The following FAM20A variants were observed in gnomAD, a reference collection of about 807,000 sequenced individuals.
The protein encoded by FAM20A is FAM20A golgi associated secretory pathway pseudokinase.
In FAM20A, 42 loss-of-function variants were observed where a neutral mutation model predicts 52.0. That is an observed-to-expected ratio of 0.81 (90% CI 0.63 to 1.04). The LOEUF is 1.04. Ranked by LOEUF, FAM20A falls within the 50% of genes least tolerant of loss-of-function variation. The pLI, the probability that FAM20A is intolerant of heterozygous loss-of-function variation, is 0.00. For synonymous variants in FAM20A, 304 were observed against 298.9 expected (o/e 1.02, Z -0.18); for missense variants, 742 against 712.7 (o/e 1.04, Z -0.47).
At chr17:68,582,417 C>A (rs559366808) in intron 1 of FAM20A, 10 of 152,200 alleles carry the variant, frequency 6.6e-5, no homozygotes, top group Non-Finnish European at 1.2e-4. Context: ...CAAGTGAGGG[C>A]GATGGCTGGG....
In FAM20A at chr17:68,585,394, C is replaced by G. The variant is rs74000765; in HGVS notation, c.404+14869G>C. On this transcript the variant is annotated intron_variant, in intron 1 of 10. Transcript: ENST00000592554. The stretch of plus-strand genomic sequence containing the variant: ...TCTTCATTGTGTATTATTGCACTCT[C>G]TTCATCCGTGCAAACACATTCTTTT... Among the ~76,000 whole-genome samples, 1,063 of 152,204 alleles carry G rather than the reference C, an allele frequency of 7.0e-3. 9 individuals carry two copies. The highest frequency in any genetic ancestry group is 0.024 in the African/African-American group (985 of 41,500).
chr17:68,556,001 A>C (rs1286476818), intron 1 of FAM20A, among the ~76,000 whole-genome samples: 2 of 152,198 alleles, frequency 1.3e-5, no homozygotes, highest in Non-Finnish European at 2.9e-5. Context: ...CAAATACTTA[A>C]TTACAAACCA....
chr17:68,579,756 A>G (rs116124571), intron 1 of FAM20A, among the ~76,000 whole-genome samples: 4,399 of 152,268 alleles, frequency 0.029, 217 homozygotes, highest in African/African-American at 0.1. Flanking sequence ...AATGGTCTTC[A>G]CAGTCATCAG....
chr17:68,600,420 C>T lies in FAM20A; in HGVS notation c.247G>A (p.Gly83Ser). ...TTGGAGCTCGACCCGCTGTGGCTGC[C>T]GCCAGCCGGTTCAGTCCGGGGCTCG... is the stretch of plus-strand genomic sequence containing the variant. ...RTEPRTEPAG[G>S]SHSGSSSKLQ... The change falls in exon 1 of 11, where the codon GGC (glycine) becomes AGC (serine). Residue 83 changes from glycine (G) to serine (S), a missense_variant. Coordinates refer to ENST00000592554, the MANE Select transcript of FAM20A (RefSeq NM_017565.4). This position sits in a 1 kb window ranked among gnomAD's most constrained non-coding sequence, Gnocchi z 6.2. 2 of 1,610,302 alleles carry T rather than the reference C, an allele frequency of 1.2e-6. No individual in the cohort carries two copies. Among genetic ancestry groups the T allele is most frequent in the Non-Finnish European group, 1.7e-6 (2 of 1,178,888 alleles).
Position 68,600,363 on chromosome 17 carries a change from T to A in FAM20A, c.304A>T (p.Asn102Tyr), listed in dbSNP as rs1456565847. ...AGGAGAGGCGGCTCCTCCGGGACGT[T>A]GTACAGCGGGTGGGCGAAGAGGGCC... Reference protein sequence around the residue: ...LQALFAHPLYNVPEEPPLLGA... With the variant: ...LQALFAHPLYYVPEEPPLLGA... The change falls in exon 1 of 11, where the codon AAC (asparagine) becomes TAC (tyrosine). Residue 102 changes from asparagine to tyrosine, a missense_variant. Physicochemically the swap from Asn to Tyr is moderately radical, Grantham distance 143. Coordinates refer to ENST00000592554, the MANE Select transcript of FAM20A (RefSeq NM_017565.4). The surrounding 1 kb of genome is among the most constrained non-coding windows in gnomAD (Gnocchi z 6.2). 2 of 1,603,678 alleles carry A rather than the reference T, an allele frequency of 1.2e-6. No homozygotes were observed. Among genetic ancestry groups the A allele is most frequent in the Non-Finnish European group, 1.7e-6 (2 of 1,176,140 alleles).
At chr17:68,550,129 C>G (rs578207875) in intron 4 of FAM20A, among the ~76,000 whole-genome samples, 2 of 152,068 alleles carry the variant, frequency 1.3e-5, no homozygotes, top group African/African-American at 4.8e-5. Flanking sequence ...ATTTGACATT[C>G]ACCCCCAACT....
intron 6 of FAM20A, 37 bp downstream of exon 6, chr17:68,542,657 A>C: frequency 2.0e-6 from 3 of 1,523,030 alleles, no homozygotes; most frequent in Non-Finnish European, 2.7e-6. Context: ...CTTACGATCT[A>C]CTCAGACCCG....
rs2086144867 is a variant in FAM20A, at chr17:68,537,997, G to A, written c.1362-256C>T. Among the ~76,000 whole-genome samples, 1 of 152,146 alleles carries A rather than the reference G, an allele frequency of 6.6e-6. No individual in the cohort carries two copies. Among genetic ancestry groups the A allele is most frequent in the Admixed American group, 6.6e-5 (1 of 15,266 alleles). ...TTTGTGCTCTAATAATGGTGATGCTGGGCTATATGCATTTTCTCTGACAAC... is the reference window on the plus strand; with the variant it reads ...TTTGTGCTCTAATAATGGTGATGCTAGGCTATATGCATTTTCTCTGACAAC... On this transcript the variant is annotated intron_variant, in intron 10 of 10. Transcript: ENST00000592554. This position sits in a 1 kb window ranked among gnomAD's most constrained non-coding sequence, Gnocchi z 4.2.
chr17:68,600,715 G>A lies in FAM20A; in HGVS notation c.-49C>T, dbSNP rs199802845. The A allele has an allele frequency of 2.9e-3, 4,445 of 1,518,556 alleles. 5 individuals are homozygous for A. The highest frequency in any genetic ancestry group is 3.6e-3 in the Non-Finnish European group (4,074 of 1,139,300). The allele number at this position is 1,518,556 out of a possible 1,614,324, so 94.1% of individuals were successfully genotyped here. Reference sequence around the variant, plus strand: ...CGGGGGCAGGCCGGCTGTCTCCGGGGTCCCGGGAGGGGTCGCGGGGTGCGG... The same window carrying A: ...CGGGGGCAGGCCGGCTGTCTCCGGGATCCCGGGAGGGGTCGCGGGGTGCGG... On this transcript the variant is annotated 5_prime_UTR_variant, in exon 1 of 11. Transcript: ENST00000592554. The surrounding 1 kb of genome is among the most constrained non-coding windows in gnomAD (Gnocchi z 6.2).
At chr17:68,560,491 A>G (rs2087183860) in intron 1 of FAM20A, among the ~76,000 whole-genome samples, 1 of 152,166 alleles carries the variant, frequency 6.6e-6, no homozygotes. Flanking sequence ...CCCAGCCTCT[A>G]GTACTGCAAG....
intron 1 of FAM20A, among the ~76,000 whole-genome samples, chr17:68,569,657 T>TG (rs1172887783): frequency 2.0e-5 from 3 of 152,252 alleles, no homozygotes; most frequent in Non-Finnish European, 4.4e-5. Flanking sequence ...GCTACCCTTT[T>TG]GCACAGCACA....
At chr17:68,556,708 T>C (rs1266100993) in intron 1 of FAM20A, among the ~76,000 whole-genome samples, 2 of 152,046 alleles carry the variant, frequency 1.3e-5, no homozygotes, top group Non-Finnish European at 2.9e-5. Context: ...AAATGCACTG[T>C]TGAATGAGAA....
chr17:68,566,042 T>C (rs894367133), intron 1 of FAM20A, among the ~76,000 whole-genome samples: 2 of 152,194 alleles, frequency 1.3e-5, no homozygotes, highest in Middle Eastern at 3.2e-3. Context: ...CCTCATGCTG[T>C]TCCATCACCT....
Position 68,535,886 on chromosome 17 carries a change from G to C in FAM20A, c.*1591C>G. 1 of 453,966 alleles carries C rather than the reference G, an allele frequency of 2.2e-6. No individual in the cohort carries two copies. The highest frequency in any genetic ancestry group is 4.4e-6 in the Non-Finnish European group (1 of 226,774). 28.1% of individuals were successfully genotyped at this position (453,966 alleles called of 1,614,324 possible). A position where few individuals can be genotyped will look rare whatever the true frequency, so the allele number is the denominator to read the frequency against. ...GGGTTTTGTGTTACAGTGAAAAGAA[G>C]ACTTTGGAATAGGTCTAAACCACTA... On this transcript the variant is annotated 3_prime_UTR_variant, in exon 11 of 11. Coordinates refer to ENST00000592554, the MANE Select transcript of FAM20A (RefSeq NM_017565.4).
chr17:68,582,027 G>A (rs961058551), intron 1 of FAM20A, among the ~76,000 whole-genome samples: 1 of 152,156 alleles, frequency 6.6e-6, no homozygotes, highest in South Asian at 2.1e-4. Flanking sequence ...AGTAAGTGCC[G>A]CACAAGTGTC....
Position 68,540,939 on chromosome 17 carries a change from A to C in FAM20A, c.1129T>G (p.Tyr377Asp). ...GKEEWEVNPL[Y>D]CDTVKQIYPY... ...TAGATCTGTTTCACTGTGTCACAGT[A>C]AAGGGGATTGACCTCCCACCTGAGG... Residue 377 changes from tyrosine to aspartate, a missense_variant, in exon 8 of 11, where the codon TAC (tyrosine) becomes GAC (aspartate). Tyr to Asp is a radical substitution (Grantham distance 160). Transcript: ENST00000592554. The C allele has an allele frequency of 6.3e-7, 1 of 1,594,958 alleles. No individual in the cohort carries two copies. The highest frequency in any genetic ancestry group is 8.5e-7 in the Non-Finnish European group (1 of 1,169,816).
intron 3 of FAM20A, among the ~76,000 whole-genome samples, chr17:68,552,596 T>C (rs1171202527): frequency 6.6e-6 from 1 of 151,788 alleles, no homozygotes; most frequent in Non-Finnish European, 1.5e-5. Context: ...CCTTGTGTTC[T>C]ATAAAATGGT....
intron 1 of FAM20A, among the ~76,000 whole-genome samples, chr17:68,566,970 A>G (rs1317596048): frequency 6.6e-6 from 1 of 152,192 alleles, no homozygotes; most frequent in Non-Finnish European, 1.5e-5. Flanking sequence ...TTGGTCTGTC[A>G]TTAAATACAA....
At chr17:68,577,014 T>G (rs1291251138) in intron 1 of FAM20A, among the ~76,000 whole-genome samples, 3 of 152,154 alleles carry the variant, frequency 2.0e-5, no homozygotes, top group East Asian at 3.9e-4. Context: ...CAGAGTCCAG[T>G]CAGGGAACTA....
Sources: allele counts gnomAD v4.1 joint callset (sites outside exome capture counted in the v4.1 genomes callset), GRCh38; gene constraint gnomAD v4.1.1; non-coding constraint Gnocchi (gnomAD v3.1); transcripts MANE v1.5; gene names NCBI Gene and HGNC (gene_info 2026-07-23, HGNC 2026-07-21).